Variants in ANK2 observed in about 807,000 individuals in gnomAD.
The protein encoded by ANK2 is ankyrin 2.
In ANK2, 83 loss-of-function variants were observed where a neutral mutation model predicts 360.5. The ratio of observed to expected loss-of-function variants is 0.23; its 90% CI spans 0.19 to 0.28. The LOEUF is 0.28. Ranked by LOEUF, ANK2 falls within the 10% of genes least tolerant of loss-of-function variation. The pLI is 1.00. For synonymous variants in ANK2, 1,740 were observed against 1,759.5 expected (o/e 0.99, Z 0.28); for missense variants, 4,201 against 4,795.7 (o/e 0.88, Z 3.66).
chr4:112,781,494 A>T, the ANK2 span, among the ~76,000 whole-genome samples: 1 of 152,202 alleles, frequency 6.6e-6, no homozygotes, highest in Non-Finnish European at 1.5e-5. Flanking sequence ...AAGAAAAAAA[A>T]CAAATTGTCT....
chr4:113,190,628 A>G (rs1020605978), intron 2 of ANK2, among the ~76,000 whole-genome samples: 2 of 152,140 alleles, frequency 1.3e-5, no homozygotes, highest in Non-Finnish European at 2.9e-5. Flanking sequence ...TATGATGCAG[A>G]GGCCATTGGT....
At chr4:112,720,887 C>T in the ANK2 span, among the ~76,000 whole-genome samples, 3 of 152,128 alleles carry the variant, frequency 2.0e-5, no homozygotes, top group Non-Finnish European at 4.4e-5. Flanking sequence ...TATTAGAGGA[C>T]CATCAAGGGA....
At chr4:113,261,792 TA>T (rs889326860) in intron 13 of ANK2, among the ~76,000 whole-genome samples, 61 of 152,124 alleles carry the variant, frequency 4.0e-4, no homozygotes, top group Admixed American at 1.3e-3. Context: ...GTAAAACCCA[TA>T]AAAAAAACTT....
At chr4:113,040,655 C>T (rs10433900) in intron 2 of ANK2, among the ~76,000 whole-genome samples, 78,335 of 151,798 alleles carry the variant, frequency 0.52, 21,315 homozygotes, top group Non-Finnish European at 0.6. Context: ...TGGTCTTTTA[C>T]ACCTTAAGCA....
intron 14 of ANK2, among the ~76,000 whole-genome samples, chr4:113,271,679 A>G (rs1023632346): frequency 2.0e-5 from 3 of 152,244 alleles, no homozygotes; most frequent in South Asian, 4.1e-4. Flanking sequence ...GGTCTAAGTC[A>G]TATGTTTTGC....
At chr4:112,839,262 G>T (rs1428523776) in intron 1 of ANK2, among the ~76,000 whole-genome samples, 1 of 152,204 alleles carries the variant, frequency 6.6e-6, no homozygotes, top group Non-Finnish European at 1.5e-5. Flanking sequence ...AAGGCAGAAA[G>T]GTTAAGTGAT....
In ANK2 at chr4:113,311,388, A is replaced by G; in HGVS notation, c.2682A>G (p.Gly894=). 6.2e-7 allele frequency: 1 copy of G among 1,614,090 alleles called. No individual in the cohort carries two copies. The highest frequency in any genetic ancestry group is 8.5e-7 in the Non-Finnish European group (1 of 1,180,000). Residue 894 remains glycine (G), a synonymous_variant, in exon 24 of 46, where the codon GGA becomes GGG. Coordinates refer to ENST00000357077, the MANE Select transcript of ANK2 (RefSeq NM_001148.6). The part of the protein sequence containing the change: ...MNYLRYSLEG[G]RSDSLRSFSS... ...ACCTGCGATACAGCTTGGAGGGAGG[A>G]CGATCTGACAGGTATCTCATAAAAC...
chr4:112,788,484 G>A, the ANK2 span: 10 of 1,592,692 alleles, frequency 6.3e-6, no homozygotes, highest in African/African-American at 1.3e-5. Context: ...CAAAGGACAG[G>A]TGGTCTCTTG....
At chr4:113,210,462 TAATC>T (rs1262522619) in intron 4 of ANK2, among the ~76,000 whole-genome samples, 1 of 152,206 alleles carries the variant, frequency 6.6e-6, no homozygotes, top group Non-Finnish European at 1.5e-5. Flanking sequence ...AAATGAGAGC[TAATC>T]AAGTCCAGTG....
chr4:113,209,387 A>T (rs942933077), intron 4 of ANK2, among the ~76,000 whole-genome samples: 1 of 151,930 alleles, frequency 6.6e-6, no homozygotes, highest in Non-Finnish European at 1.5e-5. Flanking sequence ...ATCAATGCAG[A>T]TTCTCTACAG....
intron 27 of ANK2, 94 bp downstream of exon 27, chr4:113,330,564 A>G (rs2153927611): frequency 1.5e-6 from 2 of 1,303,272 alleles, no homozygotes; most frequent in African/African-American, 1.5e-5. Context: ...GGTACGTCAA[A>G]CCATTTTGAA....
At chr4:112,726,198 T>C in the ANK2 span, among the ~76,000 whole-genome samples, 1,735 of 152,274 alleles carry the variant, frequency 0.011, 44 homozygotes, top group African/African-American at 0.038. Context: ...GAGCCAGTTG[T>C]AGCTCAAACA....
At chr4:112,778,249 T>C in the ANK2 span, among the ~76,000 whole-genome samples, 2 of 149,852 alleles carry the variant, frequency 1.3e-5, no homozygotes, top group African/African-American at 2.5e-5. Context: ...GGATTACAGG[T>C]GTGAGCCACC....
intron 2 of ANK2, among the ~76,000 whole-genome samples, chr4:113,002,569 G>C (rs956690051): frequency 3.5e-4 from 53 of 152,114 alleles, no homozygotes; most frequent in Admixed American, 2.4e-3. Flanking sequence ...TTGTGGGGTG[G>C]GGGGAGAGGG....
At chr4:112,915,562 G>A (rs2089458951) in intron 2 of ANK2, among the ~76,000 whole-genome samples, 1 of 151,916 alleles carries the variant, frequency 6.6e-6, no homozygotes, top group African/African-American at 2.4e-5. Flanking sequence ...ACCAGCCTCA[G>A]CAATGGGGTG....
intron 7 of ANK2, among the ~76,000 whole-genome samples, chr4:113,240,031 A>G (rs1371417516): frequency 6.6e-6 from 1 of 152,192 alleles, no homozygotes; most frequent in Admixed American, 6.5e-5. Flanking sequence ...CAAAAGTATA[A>G]TGTCAACAAA....
chr4:113,211,484 G>T (rs1292804112), intron 4 of ANK2, among the ~76,000 whole-genome samples: 1 of 152,136 alleles, frequency 6.6e-6, no homozygotes, highest in Non-Finnish European at 1.5e-5. Context: ...TTCTAGGTTA[G>T]CATTGTGCAT....
At chr4:113,352,716 C>T (rs542313407) in intron 37 of ANK2, among the ~76,000 whole-genome samples, 28 of 151,344 alleles carry the variant, frequency 1.9e-4, no homozygotes, top group Non-Finnish European at 2.9e-4. Context: ...AATTTCACTG[C>T]GTTCTTTGTT....
intron 1 of ANK2, among the ~76,000 whole-genome samples, chr4:112,838,772 G>C (rs1277589026): frequency 6.6e-6 from 1 of 152,236 alleles, no homozygotes; most frequent in East Asian, 1.9e-4. Context: ...GGGAGGCTGA[G>C]GCAGGAGAAT....
Sources: allele counts gnomAD v4.1 joint callset (sites outside exome capture counted in the v4.1 genomes callset), GRCh38; gene constraint gnomAD v4.1.1; transcripts MANE v1.5; gene names NCBI Gene and HGNC (gene_info 2026-07-23, HGNC 2026-07-21).